USP34: variants seen among roughly 807,000 people sequenced by gnomAD.
USP34 encodes the protein ubiquitin carboxyl-terminal hydrolase 34.
A neutral mutation model predicts 460.3 loss-of-function variants in USP34; 70 were observed. That is an observed-to-expected ratio of 0.15 (90% CI 0.13 to 0.19). USP34 has a LOEUF of 0.19. Ranked by LOEUF, USP34 falls within the 10% of genes least tolerant of loss-of-function variation. The pLI, the probability that USP34 is intolerant of heterozygous loss-of-function variation, is 1.00. For missense variants in USP34, 3,985 were observed against 4,236.2 expected (o/e 0.94, Z 1.65); for synonymous variants, 1,647 against 1,405.3 (o/e 1.17, Z -3.85).
chr2:61,232,554 T>C (rs1357961989), intron 57 of USP34, 22 bp from the exon 58 acceptor site: 6 of 1,573,284 alleles, frequency 3.8e-6, no homozygotes, highest in Non-Finnish European at 5.2e-6. Context: ...AAATACAGCA[T>C]GACTTTAACA....
intron 75 of USP34, chr2:61,200,280 T>G (rs1249987964): frequency 6.6e-6 from 1 of 152,408 alleles, no homozygotes; most frequent in Non-Finnish European, 1.5e-5. Flanking sequence ...CTGCTGTTTT[T>G]AAGTATCAAA....
At chr2:61,284,221 C>G (rs2103963093) in intron 35 of USP34, among the ~76,000 whole-genome samples, 1 of 152,260 alleles carries the variant, frequency 6.6e-6, no homozygotes, top group East Asian at 1.9e-4. Flanking sequence ...ATGTGTGTGA[C>G]AAACACATAG....
intron 1 of USP34, among the ~76,000 whole-genome samples, chr2:61,422,339 C>T (rs1029895201): frequency 2.6e-5 from 4 of 152,154 alleles, no homozygotes; most frequent in Admixed American, 1.3e-4. Context: ...AAAACACACA[C>T]GGCACACATT....
intron 13 of USP34, 64 bp from the exon 14 acceptor site, chr2:61,348,950 CATT>C: frequency 6.6e-7 from 1 of 1,504,678 alleles, no homozygotes; most frequent in Non-Finnish European, 8.9e-7. Context: ...AACAGAATGA[CATT>C]ATCATTTGAT....
intron 62 of USP34, among the ~76,000 whole-genome samples, chr2:61,225,923 A>G (rs1687713268): frequency 6.6e-6 from 1 of 152,202 alleles, no homozygotes; most frequent in South Asian, 2.1e-4. Context: ...TAAGAACACT[A>G]GAGAGCACTT....
At chr2:61,387,173 A>G (rs182690590) in intron 5 of USP34, among the ~76,000 whole-genome samples, 20 of 152,252 alleles carry the variant, frequency 1.3e-4, no homozygotes, top group Non-Finnish European at 2.1e-4. Flanking sequence ...TTAGAAATAT[A>G]TAACAGGCCA....
rs768050092 is a variant in USP34, at chr2:61,257,103, A to G, written c.5997T>C (p.Asn1999=). 35 of 1,580,008 alleles carry G rather than the reference A, an allele frequency of 2.2e-5. No homozygotes were observed. Among genetic ancestry groups the G allele is most frequent in the Middle Eastern group, 3.4e-4 (2 of 5,848 alleles). The change falls in exon 46 of 80, where the codon AAT becomes AAC. Residue 1999 remains asparagine, a synonymous_variant. Coordinates refer to ENST00000398571, the MANE Select transcript of USP34 (RefSeq NM_014709.4). ...CACCTCCAAATAAACTTTTGACGGT[A>G]TTTTTCTTTAATATAAAACAAACAA... ...KIEEMSPELK[N]TVKSLFGGVI...
intron 1 of USP34, among the ~76,000 whole-genome samples, chr2:61,425,680 C>T (rs1214191316): frequency 2.6e-5 from 4 of 152,050 alleles, no homozygotes; most frequent in African/African-American, 7.2e-5. Flanking sequence ...CAGTCTGAGC[C>T]GTAAGGACTA....
intron 51 of USP34, among the ~76,000 whole-genome samples, chr2:61,244,868 G>GTAAACAGTA (rs1286067962): frequency 8.9e-4 from 136 of 152,154 alleles, no homozygotes; most frequent in African/African-American, 3.2e-3. Context: ...AGATTTTTCA[G>GTAAACAGTA]ATTAAGTCAG....
At chr2:61,371,122 T>C (rs1337595153) in intron 8 of USP34, among the ~76,000 whole-genome samples, 1 of 152,178 alleles carries the variant, frequency 6.6e-6, no homozygotes, top group Non-Finnish European at 1.5e-5. Context: ...GACCAAAGGA[T>C]GGACCAAATA....
intron 39 of USP34, 24 bp from the exon 40 acceptor site, chr2:61,278,467 AT>A: frequency 6.8e-7 from 1 of 1,471,160 alleles, no homozygotes; most frequent in Non-Finnish European, 9.0e-7. Context: ...GAAAATAAAA[AT>A]TCAAATATAA....
rs549957077 is a variant in USP34, at chr2:61,412,386, C to T, written c.132-6258G>A. Among the ~76,000 whole-genome samples, 3 of 152,006 alleles carry T rather than the reference C, an allele frequency of 2.0e-5. No individual in the cohort carries two copies. The East Asian group carries it at 5.8e-4, about 29-fold the overall frequency. ...TATGAAAATATAAATTCAGATTACA[C>T]AACAGGGCATTTTTTGGCCAGGGAG... On this transcript the variant is annotated intron_variant, in intron 2 of 79. Transcript: ENST00000398571.
At chr2:61,327,650 A>AG (rs1691135865) in intron 20 of USP34, among the ~76,000 whole-genome samples, 1 of 152,212 alleles carries the variant, frequency 6.6e-6, no homozygotes, top group Non-Finnish European at 1.5e-5. Flanking sequence ...TCTCGGAATA[A>AG]GGGACTAATA....
intron 1 of USP34, among the ~76,000 whole-genome samples, chr2:61,458,868 C>G (rs1415430184): frequency 6.6e-6 from 1 of 152,004 alleles, no homozygotes; most frequent in Admixed American, 6.6e-5. Context: ...GAGTTCAAGA[C>G]CAGCCTGGTC....
At chr2:61,355,473 G>A (rs1692074548) in intron 10 of USP34, among the ~76,000 whole-genome samples, 1 of 152,190 alleles carries the variant, frequency 6.6e-6, no homozygotes, top group South Asian at 2.1e-4. Flanking sequence ...GAGTCATTAG[G>A]AGCAGAGTTT....
At chr2:61,258,142 C>G (rs1358060693) in intron 44 of USP34, among the ~76,000 whole-genome samples, 1 of 151,916 alleles carries the variant, frequency 6.6e-6, no homozygotes, top group Non-Finnish European at 1.5e-5. Context: ...TTGCTTGAGC[C>G]CAGGAGTTCA....
chr2:61,244,160 AAAC>A (rs1243324486), intron 51 of USP34, among the ~76,000 whole-genome samples: 2 of 152,176 alleles, frequency 1.3e-5, no homozygotes, highest in African/African-American at 4.8e-5. Flanking sequence ...TAAGTCAAAA[AAAC>A]AACTTTATTT....
At chr2:61,427,030 C>A (rs1221520137) in intron 1 of USP34, among the ~76,000 whole-genome samples, 1 of 152,118 alleles carries the variant, frequency 6.6e-6, no homozygotes, top group Non-Finnish European at 1.5e-5. Flanking sequence ...CAGCTTAGAT[C>A]ACAATACCCA....
chr2:61,339,236 A>G, intron 18 of USP34, 115 bp downstream of exon 18: 1 of 991,118 alleles, frequency 1.0e-6, no homozygotes, highest in Non-Finnish European at 1.4e-6. Context: ...ACTAAAAAAC[A>G]GATTAATACA....
Sources: gnomAD v4.1 joint callset for allele counts (sites outside exome capture counted in the v4.1 genomes callset) on GRCh38, gnomAD v4.1.1 for gene constraint, MANE v1.5 for transcripts, NCBI Gene and HGNC (gene_info 2026-07-23, HGNC 2026-07-21) for gene names.